TERB1: variants seen among roughly 807,000 people sequenced by gnomAD.
TERB1 encodes the protein telomere repeat binding bouquet formation protein 1.
Under a neutral mutation model 92.3 loss-of-function variants are expected in TERB1, and 63 were observed. That is an observed-to-expected ratio of 0.68 (90% CI 0.56 to 0.84). The LOEUF (loss-of-function observed/expected upper bound fraction) is 0.84. Ranked by LOEUF, TERB1 falls within the 40% of genes least tolerant of loss-of-function variation. The probability of loss-of-function intolerance (pLI) is 0.00; values close to 1 mark genes in which losing one functional copy is unlikely to be tolerated. For synonymous variants in TERB1, 252 were observed against 283.9 expected (o/e 0.89, Z 1.13); for missense variants, 709 against 843.7 (o/e 0.84, Z 1.98).
In TERB1 at chr16:66,768,133, T is replaced by A; in HGVS notation, c.1655A>T (p.Lys552Ile). 1 of 1,550,994 alleles carries A rather than the reference T, an allele frequency of 6.4e-7. No homozygotes were observed. Among genetic ancestry groups the A allele is most frequent in the Non-Finnish European group, 8.7e-7 (1 of 1,146,476 alleles). Residue 552 changes from lysine to isoleucine, a missense_variant, in exon 15 of 19, where the codon AAA becomes ATA. By Grantham distance (102) the Lys-to-Ile change is moderately radical. Transcript: ENST00000433154. ...HVFKHPVHIA[K>I]NIKQQLPVTD... ...TACTGGTAACTGCTGCTTTATATTT[T>A]TGGCAATGTGAACTGGGTGTTTAAA...
intron 3 of TERB1, 148 bp from the exon 4 acceptor site, chr16:66,791,167 A>AT (rs201527046): frequency 1.3e-5 from 6 of 466,470 alleles, no homozygotes; most frequent in South Asian, 9.5e-5. Context: ...ACAACCATGT[A>AT]TTTTTTTTAA....
chr16:66,793,212 T>C (rs2018865668), intron 3 of TERB1, among the ~76,000 whole-genome samples: 1 of 85,098 alleles, frequency 1.2e-5, no homozygotes, highest in South Asian at 4.0e-4. Flanking sequence ...TGTGGTTTGG[T>C]TTTTTTTTTT....
Position 66,754,978 on chromosome 16 carries a change from A to C in TERB1, c.2182T>G (p.Ter728GlyextTer22). 6.5e-7 allele frequency: 1 copy of C among 1,546,448 alleles called. No individual in the cohort carries two copies. Among genetic ancestry groups the C allele is most frequent in the Non-Finnish European group, 8.7e-7 (1 of 1,145,874 alleles). Reference sequence around the variant, plus strand: ...AAAAACTGACAGTCTTCTTTCAATCAAGAAGCTGCACACGTGGGGTGTTTG... The same window carrying C: ...AAAAACTGACAGTCTTCTTTCAATCCAGAAGCTGCACACGTGGGGTGTTTG... ...LTKHPTCAAS[*>G] The change falls in exon 19 of 19, where the codon TGA becomes GGA. Residue 728 changes from the stop codon to glycine (G), a stop_lost. Coordinates refer to ENST00000433154, the MANE Select transcript of TERB1 (RefSeq NM_001136505.2).
At chr16:66,778,698 A>C (rs2018588129) in intron 10 of TERB1, among the ~76,000 whole-genome samples, 165 bp downstream of exon 10, 1 of 152,208 alleles carries the variant, frequency 6.6e-6, no homozygotes, top group African/African-American at 2.4e-5. Context: ...GATTACAGGC[A>C]TGAGCTACTG....
Position 66,768,107 on chromosome 16 carries a change from T to C in TERB1, c.1681A>G (p.Thr561Ala). 1 of 1,548,584 alleles carries C rather than the reference T, an allele frequency of 6.5e-7. No individual in the cohort carries two copies. Among genetic ancestry groups the C allele is most frequent in the Non-Finnish European group, 8.7e-7 (1 of 1,144,416 alleles). Residue 561 changes from threonine to alanine, a missense_variant, in exon 15 of 19, where the codon ACA (threonine) becomes GCA (alanine). Physicochemically the swap from Thr to Ala is moderately conservative, Grantham distance 58. Coordinates refer to ENST00000433154, the MANE Select transcript of TERB1 (RefSeq NM_001136505.2). The part of the protein sequence containing the change: ...AKNIKQQLPV[T>A]DPFTLCSDII... ...AAAGAAACATTTTTAATCATACCTG[T>C]TACTGGTAACTGCTGCTTTATATTT...
At chr16:66,775,516 C>T (rs991801335) in intron 11 of TERB1, among the ~76,000 whole-genome samples, 1 of 151,946 alleles carries the variant, frequency 6.6e-6, no homozygotes, top group Non-Finnish European at 1.5e-5. Context: ...CACTTGTAAT[C>T]CCAACTTCTC....
rs1034868431 is a variant in TERB1 at position 66,801,548 on chromosome 16, G to A, written c.-190C>T. ...CGTCTACCCTCAAGCGGGAGCTTCCGCCCTTTCTTCATCACCGCTCACCTG... is the reference window on the plus strand; with the variant it reads ...CGTCTACCCTCAAGCGGGAGCTTCCACCCTTTCTTCATCACCGCTCACCTG... On this transcript the variant is annotated 5_prime_UTR_variant, in exon 1 of 19. Transcript: ENST00000433154. The A allele has an allele frequency of 1.3e-5, 2 of 152,190 alleles. No homozygotes were observed. The highest frequency in any genetic ancestry group is 2.4e-5 in the African/African-American group (1 of 41,440). The allele number at this position is 152,190 out of a possible 1,614,324, so 9.4% of individuals were successfully genotyped here.
At chr16:66,773,710 T>A (rs993233090) in intron 12 of TERB1, among the ~76,000 whole-genome samples, 23 of 152,202 alleles carry the variant, frequency 1.5e-4, no homozygotes, top group Non-Finnish European at 2.9e-4. Flanking sequence ...CTGTGGTCTA[T>A]CCCTATATAT....
At chr16:66,779,654 C>A (rs1458284415) in intron 9 of TERB1, among the ~76,000 whole-genome samples, 4 of 151,926 alleles carry the variant, frequency 2.6e-5, no homozygotes, top group African/African-American at 9.7e-5. Context: ...TAACCCTCAA[C>A]ATTATTAAAC....
chr16:66,801,651 C>T (rs1280883519), upstream of TERB1: 1 of 152,222 alleles, frequency 6.6e-6, no homozygotes, highest in Admixed American at 6.5e-5. Context: ...GGCAGCCCCG[C>T]CGCCCCTGCA....
intron 16 of TERB1, among the ~76,000 whole-genome samples, chr16:66,764,186 C>T (rs2018299634): frequency 6.6e-6 from 1 of 152,114 alleles, no homozygotes. Flanking sequence ...GCAAGAGGAT[C>T]AGTTGAGAGG....
chr16:66,791,842 T>C (rs2018840693), intron 3 of TERB1, among the ~76,000 whole-genome samples: 1 of 152,168 alleles, frequency 6.6e-6, no homozygotes, highest in African/African-American at 2.4e-5. Flanking sequence ...GATGGTTTCA[T>C]CTGTAAATTC....
rs2145291689 is a variant in TERB1 at position 66,801,559 on chromosome 16, A to G, written c.-201T>C. 1 of 152,170 alleles carries G rather than the reference A, an allele frequency of 6.6e-6. No individual in the cohort carries two copies. The highest frequency in any genetic ancestry group is 2.1e-4 in the South Asian group (1 of 4,812). 9.4% of individuals were successfully genotyped at this position (152,170 alleles called of 1,614,324 possible). On this transcript the variant is annotated 5_prime_UTR_variant, in exon 1 of 19. An upstream start codon of the reference 5' UTR is lost. Transcript: ENST00000433154. ...AAGCGGGAGCTTCCGCCCTTTCTTC[A>G]TCACCGCTCACCTGCCACGACGCAC...
chr16:66,801,845 G>A (rs374737808), upstream of TERB1, among the ~76,000 whole-genome samples: 3 of 152,342 alleles, frequency 2.0e-5, no homozygotes, highest in East Asian at 5.8e-4. Context: ...CGCGGTTGAC[G>A]AGGCCTGGCT....
At chr16:66,762,468 C>G (rs1173678717) in intron 16 of TERB1, among the ~76,000 whole-genome samples, 2 of 150,380 alleles carry the variant, frequency 1.3e-5, no homozygotes, top group African/African-American at 4.9e-5. Flanking sequence ...ACTTTTAGCC[C>G]TGACCTCCTG....
chr16:66,790,660 G>C lies in TERB1; in HGVS notation c.206C>G (p.Ser69Ter). The change falls in exon 5 of 19, where the codon TCA becomes TGA. Residue 69 changes from serine to a stop codon, truncating the protein, a stop_gained. Coordinates refer to ENST00000433154, the MANE Select transcript of TERB1 (RefSeq NM_001136505.2). LOFTEE classifies it high-confidence loss of function. Reference protein sequence around the residue: ...GLMFVKNLAKSSEHSMVKEAA... With the variant: ...GLMFVKNLAK ...TTCTTTTACCATGCTATGTTCACTT[G>C]ACTTTGCAAGATTTTTTACAAACAT... The C allele has an allele frequency of 6.4e-7, 1 of 1,550,606 alleles. No homozygotes were observed.
At chr16:66,776,049 G>T (rs930831190) in intron 11 of TERB1, among the ~76,000 whole-genome samples, 1 of 151,884 alleles carries the variant, frequency 6.6e-6, no homozygotes, top group African/African-American at 2.4e-5. Context: ...TTCACTTAAG[G>T]CCGGGCTCGG....
intron 9 of TERB1, among the ~76,000 whole-genome samples, chr16:66,785,079 G>T (rs2018705781): frequency 6.7e-6 from 1 of 149,270 alleles, no homozygotes; most frequent in African/African-American, 2.5e-5. Flanking sequence ...GAGTGCAATG[G>T]TGTGATCTTG....
rs1161791028 is a variant in TERB1, at chr16:66,768,188, A to C, written c.1620-20T>G. On this transcript the variant is annotated intron_variant, in intron 14 of 18. Coordinates refer to ENST00000433154, the MANE Select transcript of TERB1 (RefSeq NM_001136505.2). ...TGGTCACTAAAAGAAAATAGACACC[A>C]GATTACTAAAAGTAAACATACTGTT... 1 of 1,503,000 alleles carries C rather than the reference A, an allele frequency of 6.7e-7. No homozygotes were observed. Among genetic ancestry groups the C allele is most frequent in the African/African-American group, 1.4e-5 (1 of 71,902 alleles). The allele number at this position is 1,503,000 out of a possible 1,614,324, so 93.1% of individuals were successfully genotyped here. A position where few individuals can be genotyped will look rare whatever the true frequency, so the allele number is the denominator to read the frequency against.
Sources: gnomAD v4.1 joint callset for allele counts (sites outside exome capture counted in the v4.1 genomes callset) on GRCh38, gnomAD v4.1.1 for gene constraint, MANE v1.5 for transcripts, NCBI Gene and HGNC (gene_info 2026-07-23, HGNC 2026-07-21) for gene names.